Variants in GARRE1 observed in about 807,000 individuals in gnomAD.
GARRE1 encodes the protein granule associated Rac and RHOG effector protein 1.
Under a neutral mutation model 103.2 loss-of-function variants are expected in GARRE1, and 49 were observed. That is an observed-to-expected ratio of 0.47 (90% CI 0.38 to 0.60). The LOEUF is 0.60. Among genes scored for constraint, GARRE1 ranks in the 20% least tolerant of loss-of-function variants. The pLI, the probability that GARRE1 is intolerant of heterozygous loss-of-function variation, is 0.00. For synonymous variants in GARRE1, 505 were observed against 532.8 expected, an observed-to-expected ratio of 0.95 and a Z score of 0.72; for missense variants, 1,199 against 1,370.5, an observed-to-expected ratio of 0.87 and a Z score of 1.98.
intron 2 of GARRE1, among the ~76,000 whole-genome samples, chr19:34,302,553 C>G (rs1354411587): frequency 1.3e-5 from 2 of 151,900 alleles, no homozygotes; most frequent in Non-Finnish European, 2.9e-5. Flanking sequence ...CTCAGCGTCC[C>G]AAAGTGTTGG....
chr19:34,266,602 C>T (rs1413275923), intron 1 of GARRE1, among the ~76,000 whole-genome samples: 2 of 152,118 alleles, frequency 1.3e-5, no homozygotes, highest in East Asian at 3.8e-4. Context: ...CCTCGGCCTC[C>T]CAAAGTGCTG....
At chr19:34,279,555 C>A (rs931486338) in intron 1 of GARRE1, among the ~76,000 whole-genome samples, 36 of 152,128 alleles carry the variant, frequency 2.4e-4, no homozygotes, top group Admixed American at 4.6e-4. Flanking sequence ...TTAATATTAG[C>A]CATCCTAATA....
chr19:34,292,193 A>G (rs984436724), intron 1 of GARRE1, among the ~76,000 whole-genome samples: 6 of 151,354 alleles, frequency 4.0e-5, no homozygotes, highest in Middle Eastern at 3.4e-3. Flanking sequence ...TAGATTGCCT[A>G]TTCTAGACAT....
rs57219829 is a variant in GARRE1, at chr19:34,307,648, C to CATACTTATATATACATAT, written c.495+6730_495+6747dup. Among the ~76,000 whole-genome samples the CATACTTATATATACATAT allele has an allele frequency of 2.7e-4, 36 of 132,542 alleles. 1 individual carries two copies. The South Asian group carries it at 2.9e-3, about 11-fold the overall frequency. The allele number at this position is 132,542 out of a possible 152,430, so 87.0% of individuals were successfully genotyped here. A position where few individuals can be genotyped will look rare whatever the true frequency, so the allele number is the denominator to read the frequency against. On this transcript the variant is annotated intron_variant, in intron 2 of 13. Transcript: ENST00000299505. ...ATATATACATATATACTTATATATA[C>CATACTTATATATACATAT]ATACTTATATATACATATATACTTA... is the stretch of plus-strand genomic sequence containing the variant.
chr19:34,344,690 T>C (rs1002297305), intron 10 of GARRE1, among the ~76,000 whole-genome samples: 18 of 152,182 alleles, frequency 1.2e-4, no homozygotes, highest in Admixed American at 1.1e-3. Context: ...TCTTTTTTTT[T>C]GAGACAGAGT....
At chr19:34,295,211 G>T (rs564999649) in intron 1 of GARRE1, among the ~76,000 whole-genome samples, 3 of 152,190 alleles carry the variant, frequency 2.0e-5, no homozygotes, top group Non-Finnish European at 4.4e-5. Flanking sequence ...TGTGGATGCA[G>T]CTGGTAGTTT....
chr19:34,286,995 C>T (rs997699778), intron 1 of GARRE1, among the ~76,000 whole-genome samples: 1 of 151,704 alleles, frequency 6.6e-6, no homozygotes, highest in Non-Finnish European at 1.5e-5. Flanking sequence ...AAAAATTAGT[C>T]GGGCATGGTG....
At chr19:34,351,422 G>A (rs2074236324) in intron 12 of GARRE1, 92 bp from the exon 13 acceptor site, 1 of 978,112 alleles carries the variant, frequency 1.0e-6, no homozygotes, top group African/African-American at 1.6e-5. Context: ...ACCAGGGCCT[G>A]GAGATGCTGG....
intron 10 of GARRE1, 92 bp downstream of exon 10, chr19:34,342,547 G>A: frequency 8.4e-7 from 1 of 1,187,816 alleles, no homozygotes. Context: ...CCTTACTTGT[G>A]AAGGTGAAAT....
intron 3 of GARRE1, among the ~76,000 whole-genome samples, chr19:34,325,505 G>C (rs2074107422): frequency 6.6e-6 from 1 of 152,136 alleles, no homozygotes; most frequent in African/African-American, 2.4e-5. Flanking sequence ...TTTCCGTCAT[G>C]TCTACACCCA....
chr19:34,335,727 T>C (rs1322698089), intron 8 of GARRE1, among the ~76,000 whole-genome samples: 1 of 152,208 alleles, frequency 6.6e-6, no homozygotes, highest in Non-Finnish European at 1.5e-5. Context: ...GGTTTTGCCA[T>C]GTTGGCCAGG....
At chr19:34,283,276 C>T (rs1254989430) in intron 1 of GARRE1, among the ~76,000 whole-genome samples, 3 of 152,164 alleles carry the variant, frequency 2.0e-5, no homozygotes, top group African/African-American at 4.8e-5. Flanking sequence ...TTTATAGCTG[C>T]ATAGTCCATG....
At chr19:34,287,428 A>G (rs754739222) in intron 1 of GARRE1, among the ~76,000 whole-genome samples, 3 of 152,134 alleles carry the variant, frequency 2.0e-5, no homozygotes, top group Non-Finnish European at 4.4e-5. Context: ...AAGTGCTGGG[A>G]CTGCAGATGG....
chr19:34,347,029 T>TC lies in GARRE1; in HGVS notation c.2522-842dup, dbSNP rs369176123. ...ACCTCCACTTCCTGGGCCCAAGTGA[T>TC]CCCCCCACCTCAGCCTCCCAAGTAG... On this transcript the variant is annotated intron_variant, in intron 10 of 13. Coordinates refer to ENST00000299505, the MANE Select transcript of GARRE1 (RefSeq NM_014686.5). 3.8e-3 allele frequency among the ~76,000 whole-genome samples: 579 copies of TC among 151,126 alleles called. 3 individuals carry two copies. Among genetic ancestry groups the TC allele is most frequent in the African/African-American group, 0.013 (545 of 41,060 alleles).
chr19:34,264,548 G>A (rs1288334377), intron 1 of GARRE1, among the ~76,000 whole-genome samples: 7 of 152,076 alleles, frequency 4.6e-5, no homozygotes, highest in Admixed American at 6.6e-5. Context: ...ACAGGTGCCC[G>A]CCACCATGCC....
intron 1 of GARRE1, among the ~76,000 whole-genome samples, chr19:34,271,968 G>T (rs1178418673): frequency 6.6e-6 from 1 of 152,184 alleles, no homozygotes; most frequent in Non-Finnish European, 1.5e-5. Flanking sequence ...CTTGGAAGCT[G>T]AGTAGTGCAA....
intron 1 of GARRE1, among the ~76,000 whole-genome samples, chr19:34,274,365 A>G (rs998202366): frequency 2.0e-5 from 3 of 152,046 alleles, no homozygotes; most frequent in Non-Finnish European, 4.4e-5. Flanking sequence ...AGATCGCACC[A>G]TTGCACTCCA....
intron 10 of GARRE1, among the ~76,000 whole-genome samples, chr19:34,344,993 C>T (rs1028127372): frequency 2.0e-5 from 3 of 152,238 alleles, no homozygotes; most frequent in Non-Finnish European, 4.4e-5. Flanking sequence ...CGCACGCTAC[C>T]ATGCCCAACT....
intron 1 of GARRE1, among the ~76,000 whole-genome samples, chr19:34,283,335 G>A (rs574506284): frequency 2.6e-5 from 4 of 152,252 alleles, no homozygotes; most frequent in African/African-American, 4.8e-5. Flanking sequence ...CCTGCCCTGC[G>A]ATTGGTAGAT....
Sources: gnomAD v4.1 joint callset for allele counts (sites outside exome capture counted in the v4.1 genomes callset) on GRCh38, gnomAD v4.1.1 for gene constraint, MANE v1.5 for transcripts, NCBI Gene and HGNC (gene_info 2026-07-23, HGNC 2026-07-21) for gene names.